Variants in CNKSR2 observed in about 807,000 individuals in gnomAD.
The protein encoded by CNKSR2 is connector enhancer of kinase suppressor of Ras 2, also known as CNK homolog protein 2.
In CNKSR2, 14 loss-of-function variants were observed where a neutral mutation model predicts 84.4. That is an observed-to-expected ratio of 0.17 (90% confidence interval 0.11 to 0.26). The LOEUF is 0.26. Among genes scored for constraint, CNKSR2 ranks in the 10% least tolerant of loss-of-function variants. The pLI, the probability that CNKSR2 is intolerant of heterozygous loss-of-function variation, is 1.00. For missense variants in CNKSR2, 485 were observed against 771.2 expected, an observed-to-expected ratio of 0.63 and a Z score of 4.40; for synonymous variants, 275 against 277.9, an observed-to-expected ratio of 0.99 and a Z score of 0.10.
intron 1 of CNKSR2, among the ~76,000 whole-genome samples, chrX:21,408,951 A>G (rs2147003958): frequency 9.2e-6 from 1 of 108,844 alleles, no homozygotes; most frequent in African/African-American, 3.3e-5. Flanking sequence ...TGGACTTTAC[A>G]AATATCATCT....
intron 3 of CNKSR2, among the ~76,000 whole-genome samples, chrX:21,433,088 A>T (rs2147068968): frequency 8.9e-6 from 1 of 111,954 alleles, no homozygotes; most frequent in African/African-American, 3.2e-5. Context: ...CTGTCATAAT[A>T]AAATTTATAA....
intron 17 of CNKSR2, among the ~76,000 whole-genome samples, chrX:21,600,403 T>C (rs1051585664): frequency 3.6e-5 from 4 of 112,533 alleles, no homozygotes; most frequent in Non-Finnish European, 7.5e-5. Context: ...ATATTCAAGC[T>C]AGCTTGAAAT....
At chrX:21,615,609 A>T (rs2092573356) in intron 20 of CNKSR2, among the ~76,000 whole-genome samples, 1 of 111,979 alleles carries the variant, frequency 8.9e-6, no homozygotes, top group East Asian at 2.8e-4. Context: ...ACACATTATA[A>T]GTCTGTCCAG....
At chrX:21,641,698 T>G (rs1258610207) in intron 20 of CNKSR2, 3 of 1,092,748 alleles carry the variant, frequency 2.7e-6, no homozygotes, top group Non-Finnish European at 1.2e-6. Flanking sequence ...TGCAAGCAAC[T>G]AAAATGGCCT....
chrX:21,433,521 G>A (rs946532564), intron 3 of CNKSR2, among the ~76,000 whole-genome samples: 2 of 110,336 alleles, frequency 1.8e-5, no homozygotes, highest in African/African-American at 3.3e-5. Flanking sequence ...TTGGTAAGGG[G>A]TATGTACTAT....
intron 20 of CNKSR2, among the ~76,000 whole-genome samples, chrX:21,633,669 C>G (rs1000718255): frequency 1.2e-4 from 13 of 111,917 alleles, no homozygotes; most frequent in Non-Finnish European, 2.4e-4. Context: ...AAATGTTAAA[C>G]ACAGATATAG....
Position 21,392,949 on chromosome X carries a change from TC to T in CNKSR2, c.64+17990del, listed in dbSNP as rs200920835. ...TCTTGTGCCTTTCTGATTAAGATCT[TC>T]CTTGTTTTTTAGTTTAATGGTGTGA... On this transcript the variant is annotated intron_variant, in intron 1 of 21. Transcript: ENST00000379510. 9.6e-3 allele frequency among the ~76,000 whole-genome samples: 1,070 copies of T among 111,702 alleles called. 11 individuals carry two copies. The highest frequency in any genetic ancestry group is 0.031 in the African/African-American group (965 of 30,760).
intron 13 of CNKSR2, among the ~76,000 whole-genome samples, chrX:21,569,347 C>T (rs1456765183): frequency 1.8e-5 from 2 of 111,196 alleles, no homozygotes; most frequent in African/African-American, 6.5e-5. Flanking sequence ...ACAAAGTTTG[C>T]TCTATCAATT....
intron 9 of CNKSR2, among the ~76,000 whole-genome samples, chrX:21,523,337 G>C (rs2091803036): frequency 9.0e-6 from 1 of 111,295 alleles, no homozygotes; most frequent in Non-Finnish European, 1.9e-5. Flanking sequence ...ATAACAAGAT[G>C]TAATCCTAAA....
At chrX:21,375,819 A>G (rs1478092662) in intron 1 of CNKSR2, among the ~76,000 whole-genome samples, 3 of 111,255 alleles carry the variant, frequency 2.7e-5, no homozygotes, top group Non-Finnish European at 5.7e-5. Context: ...TCACCCTCCT[A>G]ATCGCAAACG....
rs1477192128 is a variant in CNKSR2 at position 21,631,116 on chromosome X, G to C, written c.2693-17715G>C. ...GCAGGAGGATTGCTTGAGCCCAGGA[G>C]TTCGAGACCAGCCTGGGCAACATGG... On this transcript the variant is annotated intron_variant, in intron 20 of 21. Coordinates refer to ENST00000379510, the MANE Select transcript of CNKSR2 (RefSeq NM_014927.5). Among the ~76,000 whole-genome samples the C allele has an allele frequency of 1.3e-4, 14 of 110,846 alleles. No individual in the cohort carries two copies. The Admixed American group carries it at 1.3e-3, about 11-fold the overall frequency.
chrX:21,610,584 G>A (rs1168655504), intron 20 of CNKSR2, among the ~76,000 whole-genome samples: 1 of 112,470 alleles, frequency 8.9e-6, no homozygotes, highest in Non-Finnish European at 1.9e-5. Context: ...CAGATAACTT[G>A]AGCAAATGGT....
intron 1 of CNKSR2, among the ~76,000 whole-genome samples, chrX:21,420,681 C>G (rs2090483917): frequency 9.0e-6 from 1 of 110,860 alleles, no homozygotes; most frequent in African/African-American, 3.3e-5. Context: ...GGAATGTCAT[C>G]CAGGAGCTTG....
intron 13 of CNKSR2, among the ~76,000 whole-genome samples, chrX:21,587,001 A>G (rs1392599378): frequency 2.7e-5 from 3 of 112,110 alleles, no homozygotes; most frequent in Admixed American, 9.5e-5. Flanking sequence ...AACACTTTCA[A>G]TACAACACAA....
intron 6 of CNKSR2, chrX:21,495,822 A>AAAAAAC (rs1231075186): frequency 1.7e-4 from 13 of 75,874 alleles, no homozygotes; most frequent in Admixed American, 3.1e-4. Context: ...AAAAAAAAAA[A>AAAAAAC]CACGAAAAAT....
At chrX:21,462,213 C>G (rs1041826302) in intron 4 of CNKSR2, among the ~76,000 whole-genome samples, 2 of 111,522 alleles carry the variant, frequency 1.8e-5, no homozygotes, top group African/African-American at 6.5e-5. Context: ...TTTCTTTTAT[C>G]AGTGTTTTGT....
chrX:21,608,126 G>A (rs750213565), intron 19 of CNKSR2: 10 of 111,220 alleles, frequency 9.0e-5, no homozygotes, highest in Non-Finnish European at 1.7e-4. Context: ...ATTAACATGT[G>A]GGAAGGTAAC....
chrX:21,534,041 G>A (rs1382807574), intron 11 of CNKSR2, among the ~76,000 whole-genome samples: 2 of 110,018 alleles, frequency 1.8e-5, no homozygotes, highest in Non-Finnish European at 3.8e-5. Context: ...CTTCTCTCAT[G>A]TAGCTGTAAT....
chrX:21,415,867 C>T (rs868558762), intron 1 of CNKSR2, among the ~76,000 whole-genome samples: 99 of 95,291 alleles, frequency 1.0e-3, no homozygotes, highest in African/African-American at 3.7e-3. Context: ...CACACACACA[C>T]ACACATATAT....
Sources: gnomAD v4.1 joint callset for allele counts (sites outside exome capture counted in the v4.1 genomes callset) on GRCh38, gnomAD v4.1.1 for gene constraint, MANE v1.5 for transcripts, NCBI Gene and HGNC (gene_info 2026-07-23, HGNC 2026-07-21) for gene names.